The following AZIN2 variants were observed in gnomAD, a reference collection of about 807,000 sequenced individuals.
AZIN2 encodes the protein ODC antizyme inhibitor-2.
AZIN2 carries 28 observed loss-of-function variants against 47.8 expected under a neutral mutation model. That is an observed-to-expected ratio of 0.59 (90% CI 0.43 to 0.80). The LOEUF is 0.80. Ranked by LOEUF, AZIN2 falls within the 30% of genes least tolerant of loss-of-function variation. The pLI, the probability that AZIN2 is intolerant of heterozygous loss-of-function variation, is 0.00. For synonymous variants in AZIN2, 221 were observed against 239.4 expected, an observed-to-expected ratio of 0.92 and a Z score of 0.71; for missense variants, 535 against 582.5, an observed-to-expected ratio of 0.92 and a Z score of 0.84.
chr1:33,128,171 C>A (rs1291241838), downstream of AZIN2, among the ~76,000 whole-genome samples: 3 of 149,932 alleles, frequency 2.0e-5, no homozygotes, highest in Admixed American at 1.3e-4. Flanking sequence ...TCAAGACCAG[C>A]CCGGGTAAAA....
At chr1:33,126,205 A>T (rs1644855457), downstream of AZIN2, among the ~76,000 whole-genome samples, 1 of 152,166 alleles carries the variant, frequency 6.6e-6, no homozygotes. Flanking sequence ...TAGATGTTCA[A>T]GAAATTACTG....
chr1:33,088,586 G>T (rs1409447303), intron 5 of AZIN2, among the ~76,000 whole-genome samples: 2 of 152,022 alleles, frequency 1.3e-5, no homozygotes, highest in Non-Finnish European at 2.9e-5. Flanking sequence ...ATGTTTCCTT[G>T]GCAGCTCTGC....
the AZIN2 span, among the ~76,000 whole-genome samples, chr1:33,160,890 C>G: frequency 6.6e-6 from 1 of 152,216 alleles, no homozygotes; most frequent in East Asian, 1.9e-4. Flanking sequence ...TGTTTATAGA[C>G]AGGATCAGGG....
intron 10 of AZIN2, among the ~76,000 whole-genome samples, chr1:33,099,955 T>C (rs1334074272): frequency 3.3e-5 from 5 of 151,986 alleles, no homozygotes; most frequent in Admixed American, 3.3e-4. Flanking sequence ...CCCTTACAAG[T>C]ATTAGTTTTG....
chr1:33,144,478 G>A, the AZIN2 span, among the ~76,000 whole-genome samples: 12 of 152,176 alleles, frequency 7.9e-5, no homozygotes, highest in South Asian at 2.1e-4. Flanking sequence ...GTGATTTTGC[G>A]TGTACTAAAC....
intron 10 of AZIN2, among the ~76,000 whole-genome samples, chr1:33,100,502 G>A (rs1460578761): frequency 6.6e-6 from 1 of 151,936 alleles, no homozygotes; most frequent in Non-Finnish European, 1.5e-5. Flanking sequence ...TCAAAGCACC[G>A]TGCTGAGGTC....
At chr1:33,146,588 T>G in the AZIN2 span, 3 of 161,604 alleles carry the variant, frequency 1.9e-5, no homozygotes, top group Non-Finnish European at 4.1e-5. Flanking sequence ...GGCCACAGCA[T>G]CATCACTGAC....
chr1:33,141,342 CAGTT>C, the AZIN2 span, among the ~76,000 whole-genome samples: 2 of 152,182 alleles, frequency 1.3e-5, no homozygotes, highest in Non-Finnish European at 2.9e-5. Flanking sequence ...GGGGCCCTCT[CAGTT>C]AGTCAATCTC....
At chr1:33,115,304 G>A (rs1644488739) in intron 10 of AZIN2, among the ~76,000 whole-genome samples, 1 of 152,118 alleles carries the variant, frequency 6.6e-6, no homozygotes, top group Non-Finnish European at 1.5e-5. Flanking sequence ...GGGCATCTTG[G>A]ATTTTTGCAG....
intron 3 of AZIN2, 126 bp from the exon 4 acceptor site, chr1:33,082,045 ACCCTTGC>A (rs1641320799): frequency 1.7e-6 from 1 of 581,162 alleles, no homozygotes. Flanking sequence ...GACTTTCTCC[ACCCTTGC>A]CCAGTGAACC....
At chr1:33,159,326 C>G in the AZIN2 span, among the ~76,000 whole-genome samples, 2 of 152,012 alleles carry the variant, frequency 1.3e-5, no homozygotes, top group Non-Finnish European at 2.9e-5. This position sits in a 1 kb window ranked among gnomAD's most constrained non-coding sequence, Gnocchi z 4.2. Context: ...ATGCTACCTA[C>G]TATCTATAAT....
chr1:33,134,780 A>T, the AZIN2 span, among the ~76,000 whole-genome samples: 1 of 152,218 alleles, frequency 6.6e-6, no homozygotes, highest in African/African-American at 2.4e-5. Flanking sequence ...GACTCTGAGA[A>T]ATAGGGGAGC....
chr1:33,114,033 T>G (rs575310532), intron 10 of AZIN2, among the ~76,000 whole-genome samples: 1 of 152,332 alleles, frequency 6.6e-6, no homozygotes, highest in South Asian at 2.1e-4. Flanking sequence ...GCCTATATAT[T>G]CACAAGTGAG....
the AZIN2 span, among the ~76,000 whole-genome samples, chr1:33,158,827 CAG>C: frequency 6.6e-6 from 1 of 151,724 alleles, no homozygotes; most frequent in African/African-American, 2.4e-5. Flanking sequence ...TTCAGAGCCT[CAG>C]TTTTTTTCTT....
chr1:33,134,139 G>A, the AZIN2 span, among the ~76,000 whole-genome samples: 1 of 152,218 alleles, frequency 6.6e-6, no homozygotes, highest in East Asian at 1.9e-4. Context: ...CACTTACCGT[G>A]GGCCAGGCAT....
chr1:33,160,061 C>T, the AZIN2 span: 13 of 1,329,200 alleles, frequency 9.8e-6, no homozygotes, highest in East Asian at 1.2e-4. Context: ...AAAGGGCACG[C>T]GTGGTGGGGG....
chr1:33,100,171 A>G lies in AZIN2; in HGVS notation c.1029+1992A>G, dbSNP rs191734432. On this transcript the variant is annotated intron_variant, in intron 10 of 11. Coordinates refer to ENST00000294517, the MANE Select transcript of AZIN2 (RefSeq NM_052998.4). ...CCCTGTCTCTACTAAAAATCCAAAA[A>G]TTAGCCGGGCATGATGGCACATGCC... 1.9e-3 allele frequency among the ~76,000 whole-genome samples: 288 copies of G among 152,178 alleles called. 2 individuals carry two copies. The highest frequency in any genetic ancestry group is 6.8e-3 in the African/African-American group (281 of 41,520).
the AZIN2 span, chr1:33,159,630 C>T: frequency 6.4e-7 from 1 of 1,560,282 alleles, no homozygotes; most frequent in South Asian, 1.2e-5. The surrounding 1 kb of genome is among the most constrained non-coding windows in gnomAD (Gnocchi z 4.2). Context: ...TCCCACTGCC[C>T]AGCATGGGTC....
the AZIN2 span, among the ~76,000 whole-genome samples, chr1:33,148,455 GA>G: frequency 2.0e-5 from 3 of 152,174 alleles, no homozygotes; most frequent in East Asian, 5.8e-4. Flanking sequence ...TGCTTTGTTG[GA>G]AAATACATCC....
Sources: allele counts gnomAD v4.1 joint callset (sites outside exome capture counted in the v4.1 genomes callset), GRCh38; gene constraint gnomAD v4.1.1; non-coding constraint Gnocchi (gnomAD v3.1); transcripts MANE v1.5; gene names NCBI Gene and HGNC (gene_info 2026-07-23, HGNC 2026-07-21).